Variants in SLC25A42 observed in about 807,000 individuals in gnomAD.
SLC25A42 encodes mitochondrial coenzyme A transporter SLC25A42.
In SLC25A42, 19 loss-of-function variants were observed where a neutral mutation model predicts 34.7. The observed-to-expected ratio is 0.55, with a 90% CI of 0.38 to 0.80. SLC25A42 has a LOEUF of 0.80. Among genes scored for constraint, SLC25A42 ranks in the 30% least tolerant of loss-of-function variants. The pLI, the probability that SLC25A42 is intolerant of heterozygous loss-of-function variation, is 0.00. For synonymous variants in SLC25A42, 205 were observed against 191.2 expected, an observed-to-expected ratio of 1.07 and a Z score of -0.59; for missense variants, 364 against 441.3, an observed-to-expected ratio of 0.82 and a Z score of 1.57.
intron 1 of SLC25A42, among the ~76,000 whole-genome samples, chr19:19,067,879 T>A (rs546693790): frequency 9.8e-5 from 15 of 152,300 alleles, no homozygotes; most frequent in African/African-American, 3.6e-4. Context: ...GTCGTCATAC[T>A]GAAGTCAGGC....
intron 1 of SLC25A42, among the ~76,000 whole-genome samples, chr19:19,091,599 G>T (rs953738733): frequency 6.6e-6 from 1 of 152,164 alleles, no homozygotes; most frequent in Non-Finnish European, 1.5e-5. Context: ...TGTTATGGCC[G>T]GGTGCGGTGG....
intron 3 of SLC25A42, among the ~76,000 whole-genome samples, chr19:19,103,455 C>T (rs1343989809): frequency 6.6e-6 from 1 of 152,152 alleles, no homozygotes; most frequent in Middle Eastern, 3.2e-3. Flanking sequence ...CCCAGTATGA[C>T]CTTACCTTAA....
rs758484747 is a variant in SLC25A42 at position 19,096,190 on chromosome 19, G to A, written c.66G>A (p.Ser22=). ...AGGATGCTGAGGCTGTCCTGTCCTC[G>A]TCCGTCTCATCAAAGGCAAGTACCC... ...LHEDAEAVLS[S]SVSSKRDHRQ... is the part of the protein sequence containing the mutation. The change falls in exon 2 of 8, where the codon TCG becomes TCA. Residue 22 remains serine (S), a synonymous_variant. Transcript: ENST00000318596. 7.4e-6 allele frequency: 12 copies of A among 1,611,972 alleles called. No homozygotes were observed. Among genetic ancestry groups the A allele is most frequent in the Middle Eastern group, 1.7e-4 (1 of 6,060 alleles).
intron 2 of SLC25A42, among the ~76,000 whole-genome samples, chr19:19,096,582 A>G (rs1014617043): frequency 1.6e-4 from 25 of 152,222 alleles, no homozygotes; most frequent in Non-Finnish European, 8.8e-5. Context: ...TGGGGTGGGA[A>G]GCCTGAGGTA....
At chr19:19,102,064 G>A (rs1255574486) in intron 3 of SLC25A42, among the ~76,000 whole-genome samples, 178 bp downstream of exon 3, 6 of 151,370 alleles carry the variant, frequency 4.0e-5, no homozygotes, top group Admixed American at 3.9e-4. Flanking sequence ...GCTGGAGTGC[G>A]GTGGTGCAAT....
At chr19:19,084,951 G>T (rs936445409) in intron 1 of SLC25A42, among the ~76,000 whole-genome samples, 2 of 151,746 alleles carry the variant, frequency 1.3e-5, no homozygotes, top group African/African-American at 4.8e-5. Flanking sequence ...AAAAAAAGGT[G>T]GGGGTACATG....
intron 3 of SLC25A42, among the ~76,000 whole-genome samples, chr19:19,102,865 T>G (rs1475493881): frequency 6.6e-6 from 1 of 152,112 alleles, no homozygotes; most frequent in African/African-American, 2.4e-5. Context: ...ACAACAGGAA[T>G]TTCTTCTTTC....
chr19:19,106,648 T>G, intron 6 of SLC25A42: 1 of 268,612 alleles, frequency 3.7e-6, no homozygotes. Flanking sequence ...TATGTAAGAA[T>G]ACGGCCGGGC....
intron 1 of SLC25A42, among the ~76,000 whole-genome samples, chr19:19,074,701 G>C (rs1367416120): frequency 6.6e-6 from 1 of 152,006 alleles, no homozygotes; most frequent in African/African-American, 2.4e-5. Flanking sequence ...GTGTGTGAGA[G>C]AGTGTGTGTG....
At position 19,103,976 on chromosome 19, in the gene SLC25A42, G is replaced by A. The variant is rs1490482615; in HGVS notation, c.188-937G>A. 2.6e-5 allele frequency among the ~76,000 whole-genome samples: 4 copies of A among 151,886 alleles called. No homozygotes were observed. In the East Asian group the frequency reaches 5.8e-4, roughly 22 times the overall value. On this transcript the variant is annotated intron_variant, in intron 3 of 7. Transcript: ENST00000318596. Reference sequence around the variant, plus strand: ...GGCTGGAGTGCAGTGGTGCGATCTCGGCTCACCACAACCTCCACCTCCTGG... The same window carrying A: ...GGCTGGAGTGCAGTGGTGCGATCTCAGCTCACCACAACCTCCACCTCCTGG...
intron 1 of SLC25A42, among the ~76,000 whole-genome samples, chr19:19,087,490 G>C (rs550667036): frequency 2.0e-5 from 3 of 152,284 alleles, no homozygotes; most frequent in African/African-American, 7.2e-5. Flanking sequence ...GTTTCACCAT[G>C]TTGGCCAGGC....
intron 5 of SLC25A42, 59 bp from the exon 6 acceptor site, chr19:19,106,209 GC>G (rs2059826642): frequency 7.0e-7 from 1 of 1,438,310 alleles, no homozygotes; most frequent in African/African-American, 1.4e-5. Flanking sequence ...TCCAGGCTGG[GC>G]CTCTGTGCAT....
chr19:19,082,821 T>TG (rs904516040), intron 1 of SLC25A42, among the ~76,000 whole-genome samples: 9 of 151,900 alleles, frequency 5.9e-5, no homozygotes, highest in Non-Finnish European at 1.2e-4. Flanking sequence ...TAATTTTTTT[T>TG]TTGTTGTTGT....
rs892510465 is a variant in SLC25A42 at position 19,107,772 on chromosome 19, A to G, written c.498-122A>G. 1.3e-5 allele frequency: 12 copies of G among 914,700 alleles called. No individual in the cohort carries two copies. The African/African-American group carries it at 1.7e-4, about 13-fold the overall frequency. The allele number at this position is 914,700 out of a possible 1,614,324, so 56.7% of individuals were successfully genotyped here. A position where few individuals can be genotyped will look rare whatever the true frequency, so the allele number is the denominator to read the frequency against. Reference sequence around the variant, plus strand: ...GGTTATATGTCTTGAAGAAGAAGGAAAACATCAACATCCAGACACACCCAG... The same window carrying G: ...GGTTATATGTCTTGAAGAAGAAGGAGAACATCAACATCCAGACACACCCAG... On this transcript the variant is annotated intron_variant, in intron 6 of 7. Transcript: ENST00000318596.
chr19:19,103,421 A>G (rs1599687589), intron 3 of SLC25A42, among the ~76,000 whole-genome samples: 3 of 152,110 alleles, frequency 2.0e-5, no homozygotes, highest in South Asian at 2.1e-4. Flanking sequence ...AAGGACACCA[A>G]TTCGCATTTA....
At chr19:19,077,612 G>A (rs145615881) in intron 1 of SLC25A42, among the ~76,000 whole-genome samples, 6 of 152,344 alleles carry the variant, frequency 3.9e-5, no homozygotes, top group Non-Finnish European at 8.8e-5. Context: ...ATGCAGCTGG[G>A]CACAGTGGCT....
chr19:19,064,860 A>G (rs1938106770), intron 1 of SLC25A42, among the ~76,000 whole-genome samples: 1 of 151,356 alleles, frequency 6.6e-6, no homozygotes, highest in African/African-American at 2.4e-5. Flanking sequence ...TCCCCTCCCC[A>G]AACAAAAGCT....
intron 1 of SLC25A42, among the ~76,000 whole-genome samples, chr19:19,074,691 G>A (rs1312927122): frequency 3.3e-5 from 5 of 151,998 alleles, no homozygotes; most frequent in East Asian, 1.9e-4. Context: ...GTGTGACAGT[G>A]TGTGTGAGAG....
intron 1 of SLC25A42, among the ~76,000 whole-genome samples, chr19:19,076,698 T>C (rs1292761834): frequency 1.3e-5 from 2 of 152,152 alleles, no homozygotes; most frequent in Non-Finnish European, 2.9e-5. Context: ...TTACATAGAA[T>C]AAAGCACATA....
Sources: allele counts gnomAD v4.1 joint callset (sites outside exome capture counted in the v4.1 genomes callset), GRCh38; gene constraint gnomAD v4.1.1; transcripts MANE v1.5; gene names NCBI Gene and HGNC (gene_info 2026-07-23, HGNC 2026-07-21).